Variants in GSTM5 observed in about 807,000 individuals in gnomAD.
GSTM5 encodes the protein GST class-mu 5.
Under a neutral mutation model 29.0 loss-of-function variants are expected in GSTM5, and 24 were observed. The observed-to-expected ratio is 0.83, with a 90% CI of 0.60 to 1.16. GSTM5 has a LOEUF of 1.16. Ranked by LOEUF, GSTM5 falls within the 50% of genes most tolerant of loss-of-function variation. GSTM5 has a pLI of 0.00. For synonymous variants in GSTM5, 91 were observed against 93.6 expected, an observed-to-expected ratio of 0.97 and a Z score of 0.16; for missense variants, 290 against 263.0, an observed-to-expected ratio of 1.10 and a Z score of -0.71.
intron 1 of GSTM5, 124 bp from the exon 2 acceptor site, chr1:109,712,488 TTGGGGG>T: frequency 2.4e-6 from 3 of 1,252,076 alleles, no homozygotes; most frequent in Non-Finnish European, 3.5e-6. Flanking sequence ...GTGTGTGTGT[TTGGGGG>T]TGGGGGCGGG....
intron 7 of GSTM5, 85 bp downstream of exon 7, chr1:109,715,325 A>G: frequency 6.2e-7 from 1 of 1,613,148 alleles, no homozygotes; most frequent in South Asian, 1.1e-5. Flanking sequence ...GAGCTACACA[A>G]AGAATAACTC....
rs1648692763 is a variant in GSTM5 at position 109,714,995 on chromosome 1, C to T, written c.409C>T (p.Leu137Phe). 12 of 1,614,226 alleles carry T rather than the reference C, an allele frequency of 7.4e-6. No homozygotes were observed. Among genetic ancestry groups the T allele is most frequent in the Non-Finnish European group, 8.5e-6 (10 of 1,180,036 alleles). The change falls in exon 6 of 8, where the codon CTC (leucine) becomes TTC (phenylalanine). Residue 137 changes from leucine (L) to phenylalanine (F), a missense_variant. Leu to Phe is a conservative substitution (Grantham distance 22). Transcript: ENST00000256593. ...YLEELPEKLK[L>F]YSEFLGKRPW... ...GGAGGAACTCCCTGAAAAGCTAAAGCTCTACTCAGAGTTTCTGGGGAAGCG... is the reference window on the plus strand; with the variant it reads ...GGAGGAACTCCCTGAAAAGCTAAAGTTCTACTCAGAGTTTCTGGGGAAGCG...
At chr1:109,713,815 C>G in intron 5 of GSTM5, 54 bp downstream of exon 5, 2 of 1,511,752 alleles carry the variant, frequency 1.3e-6, no homozygotes, top group Non-Finnish European at 1.8e-6. Context: ...TTGGCCCAGA[C>G]CAGGGAGGGA....
At chr1:109,714,078 G>C (rs1648662529) in intron 5 of GSTM5, 1 of 228,394 alleles carries the variant, frequency 4.4e-6, no homozygotes, top group Non-Finnish European at 8.7e-6. Context: ...TGCACGCACT[G>C]GTCTTTTCTT....
chr1:109,717,457 G>C lies in GSTM5; in HGVS notation c.*31G>C. ...AGTGATGCCAGAAGATGGGAGGGAGGAGCCAACCTTGCTGCCTGCGACCCT... is the reference window on the plus strand; with the variant it reads ...AGTGATGCCAGAAGATGGGAGGGAGCAGCCAACCTTGCTGCCTGCGACCCT... On this transcript the variant is annotated 3_prime_UTR_variant, in exon 8 of 8. Transcript: ENST00000256593. 1.1e-4 allele frequency: 168 copies of C among 1,480,228 alleles called. No individual in the cohort carries two copies. The highest frequency in any genetic ancestry group is 1.7e-4 in the Middle Eastern group (1 of 5,822). The allele number at this position is 1,480,228 out of a possible 1,614,324, so 91.7% of individuals were successfully genotyped here. A position where few individuals can be genotyped will look rare whatever the true frequency, so the allele number is the denominator to read the frequency against.
upstream of GSTM5, chr1:109,712,135 G>A (rs540134063): frequency 3.1e-5 from 22 of 707,924 alleles, no homozygotes; most frequent in Non-Finnish European, 5.1e-5. Flanking sequence ...GCGGGAGGGG[G>A]CTTATTGATT....
intron 5 of GSTM5, 61 bp downstream of exon 5, chr1:109,713,822 G>C: frequency 6.8e-7 from 1 of 1,466,064 alleles, no homozygotes; most frequent in South Asian, 1.2e-5. Flanking sequence ...AGACCAGGGA[G>C]GGACTTCCAA....
chr1:109,716,482 G>T, intron 7 of GSTM5: 1 of 153,800 alleles, frequency 6.5e-6, no homozygotes, highest in Non-Finnish European at 1.4e-5. Flanking sequence ...CATGGTCATT[G>T]AATCCTGGTA....
chr1:109,711,897 C>A (rs1376898681), upstream of GSTM5, among the ~76,000 whole-genome samples: 1 of 135,372 alleles, frequency 7.4e-6, no homozygotes, highest in African/African-American at 2.5e-5. Flanking sequence ...AACTCGGCAG[C>A]GGAGAGAAGG....
rs772800308 is a variant in GSTM5 at position 109,717,327 on chromosome 1, C to T, written c.568-10C>T. The T allele has an allele frequency of 1.2e-5, 19 of 1,609,714 alleles. No individual in the cohort carries two copies. In the Admixed American group the frequency reaches 3.2e-4, roughly 27 times the overall value. On this transcript the variant is annotated splice_polypyrimidine_tract_variant and intron_variant, in intron 7 of 7. Coordinates refer to ENST00000256593, the MANE Select transcript of GSTM5 (RefSeq NM_000851.4). Reference sequence around the variant, plus strand: ...CAGACCTGGCTCTGGCCCCTTCTTCCCGCCCTCAGGGTTTGAAGAAGATCT... The same window carrying T: ...CAGACCTGGCTCTGGCCCCTTCTTCTCGCCCTCAGGGTTTGAAGAAGATCT...
chr1:109,715,044 T>C lies in GSTM5; in HGVS notation c.456+2T>C, dbSNP rs991155644. 6.2e-7 allele frequency: 1 copy of C among 1,614,102 alleles called. No individual in the cohort carries two copies. Among genetic ancestry groups the C allele is most frequent in the Non-Finnish European group, 8.5e-7 (1 of 1,180,020 alleles). ...CGGCCATGGTTTGCAGGAGACAAGG[T>C]AAAGGAGGAGTGATATGGGGAATGA... On this transcript the variant is annotated splice_donor_variant, in intron 6 of 7. Transcript: ENST00000256593. LOFTEE classifies it high-confidence loss of function.
At chr1:109,717,217 A>G (rs191111715) in intron 7 of GSTM5, 120 bp from the exon 8 acceptor site, 1,325 of 707,252 alleles carry the variant, frequency 1.9e-3, no homozygotes, top group Middle Eastern at 3.7e-3. Context: ...GTGATGCTCC[A>G]GCACTTGAGC....
intron 2 of GSTM5, 188 bp downstream of exon 2, chr1:109,712,881 C>A: frequency 2.3e-6 from 2 of 857,264 alleles, no homozygotes; most frequent in East Asian, 2.6e-5. Flanking sequence ...ATGCTGGACA[C>A]CCTGTCTAAT....
In GSTM5 at chr1:109,712,345, TGGGGTAAGCGA is replaced by T; in HGVS notation, c.36+1_36+11del. 1 of 1,613,088 alleles carries T rather than the reference TGGGGTAAGCGA, an allele frequency of 6.2e-7. No individual in the cohort carries two copies. On this transcript the variant is annotated splice_donor_variant and splice_donor_5th_base_variant and coding_sequence_variant and intron_variant, in exon 1 of 8. Transcript: ENST00000256593. LOFTEE classifies it high-confidence loss of function. ...TGACTCTGGGGTACTGGGACATCCG[TGGGGTAAGCGA>T]GGGTCCTCTGGTGGGTGGGACAGGG...
chr1:109,713,203 C>T lies in GSTM5; in HGVS notation c.177+20C>T, dbSNP rs772663007. The stretch of plus-strand genomic sequence containing the variant: ...CCCAATGTAGGTGCAGGGGAAGGGG[C>T]GGTTTTGGGGGAAAGTGCGACGTGT... On this transcript the variant is annotated intron_variant, in intron 3 of 7. Transcript: ENST00000256593. 51 of 1,611,874 alleles carry T rather than the reference C, an allele frequency of 3.2e-5. No homozygotes were observed. The highest frequency in any genetic ancestry group is 6.7e-5 in the African/African-American group (5 of 74,864).
chr1:109,716,067 C>G (rs1648736574), intron 7 of GSTM5: 3 of 449,682 alleles, frequency 6.7e-6, no homozygotes, highest in South Asian at 3.8e-5. Context: ...CAGTGAGAGG[C>G]CTGCAGGCAG....
chr1:109,717,117 T>TA, intron 7 of GSTM5: 1 of 166,930 alleles, frequency 6.0e-6, no homozygotes, highest in Non-Finnish European at 1.1e-5. Flanking sequence ...GTGTAGATCT[T>TA]TCGTAAATGG....
In GSTM5 at chr1:109,717,684, G is replaced by A; in HGVS notation, c.*258G>A. On this transcript the variant is annotated 3_prime_UTR_variant, in exon 8 of 8. Coordinates refer to ENST00000256593, the MANE Select transcript of GSTM5 (RefSeq NM_000851.4). ...CCTTTCCCTGCACTAACGCCAACCT[G>A]ACTGCTTTTCCTGTCAGTGCTTTTC... 4.7e-6 allele frequency: 2 copies of A among 428,610 alleles called. No individual in the cohort carries two copies. The highest frequency in any genetic ancestry group is 4.8e-5 in the East Asian group (1 of 21,050). The allele number at this position is 428,610 out of a possible 1,614,324, so 26.6% of individuals were successfully genotyped here.
Position 109,713,178 on chromosome 1 carries a change from C to T in GSTM5, c.172C>T (p.Pro58Ser). 6.2e-7 allele frequency: 1 copy of T among 1,612,450 alleles called. No homozygotes were observed. Among genetic ancestry groups the T allele is most frequent in the Non-Finnish European group, 8.5e-7 (1 of 1,179,870 alleles). ...NEKFKLGLDF[P>S]NLPYLIDGAH... Reference sequence around the variant, plus strand: ...AAAATTCAAGCTGGGCCTGGACTTTCCCAATGTAGGTGCAGGGGAAGGGGC... The same window carrying T: ...AAAATTCAAGCTGGGCCTGGACTTTTCCAATGTAGGTGCAGGGGAAGGGGC... Residue 58 changes from proline to serine, a missense_variant, in exon 3 of 8, where the codon CCC becomes TCC. Physicochemically the swap from Pro to Ser is moderately conservative, Grantham distance 74. Coordinates refer to ENST00000256593, the MANE Select transcript of GSTM5 (RefSeq NM_000851.4).
Sources: gnomAD v4.1 joint callset for allele counts (sites outside exome capture counted in the v4.1 genomes callset) on GRCh38, gnomAD v4.1.1 for gene constraint, MANE v1.5 for transcripts, NCBI Gene and HGNC (gene_info 2026-07-23, HGNC 2026-07-21) for gene names.